The following ARL5B variants were observed in gnomAD, a reference collection of about 807,000 sequenced individuals.
ARL5B encodes ADP-ribosylation factor-like protein 5B.
In ARL5B, 10 loss-of-function variants were observed where a neutral mutation model predicts 26.9. That is an observed-to-expected ratio of 0.37 (90% confidence interval 0.23 to 0.63). ARL5B has a LOEUF of 0.63. Among genes scored for constraint, ARL5B ranks in the 30% least tolerant of loss-of-function variants. The pLI, the probability that ARL5B is intolerant of heterozygous loss-of-function variation, is 0.62. For synonymous variants in ARL5B, 87 were observed against 70.4 expected (o/e 1.24, Z -1.18); for missense variants, 167 against 213.9 (o/e 0.78, Z 1.37).
intron 2 of ARL5B, among the ~76,000 whole-genome samples, chr10:18,667,465 A>G (rs1004691372): frequency 1.3e-5 from 2 of 152,192 alleles, no homozygotes; most frequent in African/African-American, 4.8e-5. Flanking sequence ...ATGTGTTTAA[A>G]TATGAATTAG....
At chr10:18,665,810 G>C (rs2059859020) in intron 1 of ARL5B, among the ~76,000 whole-genome samples, 1 of 152,090 alleles carries the variant, frequency 6.6e-6, no homozygotes, top group Non-Finnish European at 1.5e-5. Context: ...TAGGAAAGAT[G>C]GTATCTGGGT....
rs577420139 is a variant in ARL5B, at chr10:18,674,178, T to G, written c.491+43T>G. On this transcript the variant is annotated intron_variant, in intron 5 of 5. Coordinates refer to ENST00000377275, the MANE Select transcript of ARL5B (RefSeq NM_178815.5). ...AGGGGAGGTATGACTTCTTTCAAAT[T>G]TCTTCCAACTTTTTAGGCCAACTTG... 87 of 1,542,528 alleles carry G rather than the reference T, an allele frequency of 5.6e-5. 1 individual carries two copies. The South Asian group carries it at 1.0e-3, about 18-fold the overall frequency.
chr10:18,668,703 T>C (rs753256090), intron 3 of ARL5B, 26 bp downstream of exon 3: 3 of 1,609,450 alleles, frequency 1.9e-6, no homozygotes. Context: ...TTTTGAATTT[T>C]AATCCAAAGG....
chr10:18,663,984 T>TTGCTCTGTCACCAGGCTGGAGTGC (rs1263172637), intron 1 of ARL5B, among the ~76,000 whole-genome samples: 1 of 150,658 alleles, frequency 6.6e-6, no homozygotes, highest in Non-Finnish European at 1.5e-5. Flanking sequence ...AGACGGAGTG[T>TTGCTCTGTCACCAGGCTGGAGTGC]TGCTCTGTCA....
rs2059924678 is a variant in ARL5B at position 18,679,719 on chromosome 10, T to C, written c.*4503T>C. 1.3e-5 allele frequency: 2 copies of C among 151,906 alleles called. No individual in the cohort carries two copies. Among genetic ancestry groups the C allele is most frequent in the East Asian group, 1.9e-4 (1 of 5,196 alleles). 9.4% of individuals were successfully genotyped at this position (151,906 alleles called of 1,614,324 possible). ...AGTTTGGTGAAACATTTGGGAAATA[T>C]TAATTTGGAGGTTTAGAAGCATACG... On this transcript the variant is annotated 3_prime_UTR_variant, in exon 6 of 6. Coordinates refer to ENST00000377275, the MANE Select transcript of ARL5B (RefSeq NM_178815.5).
In ARL5B at chr10:18,676,059, A is replaced by G. The variant is rs555565479; in HGVS notation, c.*843A>G. 1 of 152,504 alleles carries G rather than the reference A, an allele frequency of 6.6e-6. No homozygotes were observed. The highest frequency in any genetic ancestry group is 2.1e-4 in the South Asian group (1 of 4,832). 9.4% of individuals were successfully genotyped at this position (152,504 alleles called of 1,614,324 possible). On this transcript the variant is annotated 3_prime_UTR_variant, in exon 6 of 6. Transcript: ENST00000377275. Reference sequence around the variant, plus strand: ...GCACTAAAAATAAGACAATTGGAATATATTTTAGCATCAGTTTACAAACAA... The same window carrying G: ...GCACTAAAAATAAGACAATTGGAATGTATTTTAGCATCAGTTTACAAACAA...
chr10:18,673,924 A>G (rs1481294830), intron 4 of ARL5B, 60 bp from the exon 5 acceptor site: 11 of 1,492,784 alleles, frequency 7.4e-6, no homozygotes, highest in Non-Finnish European at 9.9e-6. Flanking sequence ...ATAACTGTTC[A>G]GCTGGGTAAA....
At position 18,679,784 on chromosome 10, in the gene ARL5B, A is replaced by G. The variant is rs1195167544; in HGVS notation, c.*4568A>G. 1 of 151,970 alleles carries G rather than the reference A, an allele frequency of 6.6e-6. No individual in the cohort carries two copies. Among genetic ancestry groups the G allele is most frequent in the Non-Finnish European group, 1.5e-5 (1 of 67,874 alleles). 9.4% of individuals were successfully genotyped at this position (151,970 alleles called of 1,614,324 possible). A position where few individuals can be genotyped will look rare whatever the true frequency, so the allele number is the denominator to read the frequency against. On this transcript the variant is annotated 3_prime_UTR_variant, in exon 6 of 6. Transcript: ENST00000377275. ...AGCACTTGAAAGTAAAGACAATATC[A>G]TGAGGTCGAAAAAACTTCAAAAGGA...
intron 1 of ARL5B, among the ~76,000 whole-genome samples, chr10:18,662,334 C>T (rs774377375): frequency 6.6e-6 from 1 of 152,178 alleles, no homozygotes; most frequent in African/African-American, 2.4e-5. Context: ...TTTCCTGTAG[C>T]ATTTTAGAGT....
intron 2 of ARL5B, among the ~76,000 whole-genome samples, chr10:18,668,130 T>C (rs1368045020): frequency 6.6e-6 from 1 of 152,232 alleles, no homozygotes; most frequent in African/African-American, 2.4e-5. Flanking sequence ...TTCAAAATTA[T>C]AGATAGCCTG....
chr10:18,667,709 A>T (rs898336958), intron 2 of ARL5B, among the ~76,000 whole-genome samples: 6 of 151,958 alleles, frequency 3.9e-5, no homozygotes, highest in African/African-American at 1.2e-4. Context: ...ATATATATAT[A>T]TATATACACA....
rs1297014331 is a variant in ARL5B at position 18,679,009 on chromosome 10, G to A, written c.*3793G>A. On this transcript the variant is annotated 3_prime_UTR_variant, in exon 6 of 6. Coordinates refer to ENST00000377275, the MANE Select transcript of ARL5B (RefSeq NM_178815.5). ...AAAATTAAAAATCCCTCAAATAGTA[G>A]GGCAATACAGGTAATATGAAATTAA... 1.3e-5 allele frequency: 2 copies of A among 151,682 alleles called. No homozygotes were observed. The highest frequency in any genetic ancestry group is 1.9e-4 in the East Asian group (1 of 5,190). 9.4% of individuals were successfully genotyped at this position (151,682 alleles called of 1,614,324 possible).
intron 2 of ARL5B, among the ~76,000 whole-genome samples, chr10:18,667,805 C>G (rs1409780108): frequency 6.6e-6 from 1 of 152,090 alleles, no homozygotes; most frequent in Non-Finnish European, 1.5e-5. Context: ...ATCTCCACCT[C>G]CCAGGTTCAG....
intron 1 of ARL5B, 130 bp from the exon 2 acceptor site, chr10:18,666,445 A>C: frequency 1.4e-6 from 1 of 694,686 alleles, no homozygotes; most frequent in Non-Finnish European, 2.3e-6. Flanking sequence ...TTCTTTCTGC[A>C]TTTTAAGTCT....
rs2059930424 is a variant in ARL5B at position 18,681,155 on chromosome 10, T to G, written c.*5939T>G. 6.6e-6 allele frequency: 1 copy of G among 152,152 alleles called. No individual in the cohort carries two copies. The highest frequency in any genetic ancestry group is 2.4e-5 in the African/African-American group (1 of 41,440). 9.4% of individuals were successfully genotyped at this position (152,152 alleles called of 1,614,324 possible). On this transcript the variant is annotated 3_prime_UTR_variant, in exon 6 of 6. Transcript: ENST00000377275. ...TTGGATTGCTCTGTGGGTCCTCCGG[T>G]ATTGTGCAGAGGAAAGAAAAATGTC... is the stretch of plus-strand genomic sequence containing the variant.
At chr10:18,663,439 T>C (rs760830675) in intron 1 of ARL5B, among the ~76,000 whole-genome samples, 8 of 152,222 alleles carry the variant, frequency 5.3e-5, no homozygotes, top group Non-Finnish European at 1.2e-4. Context: ...TTTCATGTTA[T>C]CATTTTGAAC....
chr10:18,679,397 G>C lies in ARL5B; in HGVS notation c.*4181G>C, dbSNP rs1180576008. 6.6e-6 allele frequency: 1 copy of C among 151,906 alleles called. No individual in the cohort carries two copies. Among genetic ancestry groups the C allele is most frequent in the Non-Finnish European group, 1.5e-5 (1 of 67,828 alleles). The allele number at this position is 151,906 out of a possible 1,614,324, so 9.4% of individuals were successfully genotyped here. A position where few individuals can be genotyped will look rare whatever the true frequency, so the allele number is the denominator to read the frequency against. The stretch of plus-strand genomic sequence containing the variant: ...TTTCCATATTGAAAGAGTAGGGTTA[G>C]TAGCCAGGTTGTCAGTCTTTTACAA... On this transcript the variant is annotated 3_prime_UTR_variant, in exon 6 of 6. Transcript: ENST00000377275.
At chr10:18,668,712 G>C in intron 3 of ARL5B, 35 bp downstream of exon 3, 2 of 1,601,782 alleles carry the variant, frequency 1.2e-6, no homozygotes, top group Non-Finnish European at 1.7e-6. Flanking sequence ...TTAATCCAAA[G>C]GTCCCTAGAG....
intron 3 of ARL5B, among the ~76,000 whole-genome samples, chr10:18,670,424 A>C (rs1333462221): frequency 6.6e-6 from 1 of 152,204 alleles, no homozygotes; most frequent in Non-Finnish European, 1.5e-5. Flanking sequence ...CAGCATGGCC[A>C]ACATGGCAAA....
Sources: gnomAD v4.1 joint callset for allele counts (sites outside exome capture counted in the v4.1 genomes callset) on GRCh38, gnomAD v4.1.1 for gene constraint, MANE v1.5 for transcripts, NCBI Gene and HGNC (gene_info 2026-07-23, HGNC 2026-07-21) for gene names.